The following PLXDC2 variants were observed in gnomAD, a reference collection of about 807,000 sequenced individuals.
PLXDC2 encodes the protein plexin domain-containing protein 2.
Under a neutral mutation model 68.9 loss-of-function variants are expected in PLXDC2, and 40 were observed. The ratio of observed to expected loss-of-function variants is 0.58; its 90% CI spans 0.45 to 0.76. The LOEUF is 0.76. Ranked by LOEUF, PLXDC2 falls within the 30% of genes least tolerant of loss-of-function variation. The pLI is 0.00. For synonymous variants in PLXDC2, 243 were observed against 234.2 expected (o/e 1.04, Z -0.34); for missense variants, 644 against 661.9 (o/e 0.97, Z 0.30).
chr10:20,017,515 A>G (rs1835233146), intron 2 of PLXDC2, among the ~76,000 whole-genome samples: 1 of 152,198 alleles, frequency 6.6e-6, no homozygotes, highest in Non-Finnish European at 1.5e-5. Context: ...TAGTTCTCAC[A>G]TGAAGAAACC....
chr10:19,845,209 G>C (rs1399753014), intron 1 of PLXDC2, among the ~76,000 whole-genome samples: 4 of 152,132 alleles, frequency 2.6e-5, no homozygotes, highest in African/African-American at 9.7e-5. Flanking sequence ...CACCACGTGT[G>C]CCATAACACA....
chr10:19,969,009 A>G (rs1215474864), intron 1 of PLXDC2, among the ~76,000 whole-genome samples: 4 of 152,240 alleles, frequency 2.6e-5, no homozygotes, highest in African/African-American at 9.6e-5. Flanking sequence ...GACATTTTTA[A>G]TAGCTGAAGA....
At chr10:20,041,110 A>G (rs548900393) in intron 2 of PLXDC2, among the ~76,000 whole-genome samples, 2 of 152,282 alleles carry the variant, frequency 1.3e-5, no homozygotes, top group Admixed American at 6.5e-5. Flanking sequence ...CTCTCTTCCC[A>G]TAGATAACCA....
intron 9 of PLXDC2, among the ~76,000 whole-genome samples, chr10:20,190,991 C>T (rs1032023560): frequency 1.3e-5 from 2 of 151,824 alleles, no homozygotes; most frequent in Admixed American, 6.6e-5. Flanking sequence ...AGTTCTGAGT[C>T]GGAGATGCAA....
intron 1 of PLXDC2, among the ~76,000 whole-genome samples, chr10:19,979,016 G>A (rs1243439659): frequency 6.6e-6 from 1 of 152,140 alleles, no homozygotes; most frequent in Non-Finnish European, 1.5e-5. Flanking sequence ...TTGTGGAGCA[G>A]GAAACAAAAT....
Position 20,164,488 on chromosome 10 carries a change from G to GAAGTCTTTC in PLXDC2, c.805_806insAGTCTTTCA (p.Gln268_Ile269insLysSerPhe). 1 of 1,613,262 alleles carries GAAGTCTTTC rather than the reference G, an allele frequency of 6.2e-7. No individual in the cohort carries two copies. The highest frequency in any genetic ancestry group is 1.1e-5 in the South Asian group (1 of 91,080). On this transcript the variant is annotated inframe_insertion, in exon 7 of 14. Transcript: ENST00000377252. ...TCCAGATTCCTGTCTTGGTCACACAGATAAGTTCAACCAATCATCCAGTGA... is the reference window on the plus strand; with the variant it reads ...TCCAGATTCCTGTCTTGGTCACACAGAAGTCTTTCATAAGTTCAACCAATCATCCAGTGA...
At chr10:20,195,714 G>A (rs1035032563) in intron 9 of PLXDC2, among the ~76,000 whole-genome samples, 2 of 152,128 alleles carry the variant, frequency 1.3e-5, no homozygotes, top group South Asian at 4.2e-4. Context: ...TGAGGCAATT[G>A]CCTCATCTAA....
At chr10:20,193,548 G>C (rs985300314) in intron 9 of PLXDC2, among the ~76,000 whole-genome samples, 2 of 151,988 alleles carry the variant, frequency 1.3e-5, no homozygotes, top group African/African-American at 4.8e-5. Context: ...GTTATAAATG[G>C]AAGGAGAGAG....
chr10:20,142,783 G>A (rs546832199), intron 4 of PLXDC2, among the ~76,000 whole-genome samples: 31 of 151,378 alleles, frequency 2.0e-4, no homozygotes, highest in African/African-American at 7.5e-4. Context: ...TGGGTGTTTA[G>A]CCCCCTTTCA....
At chr10:20,139,840 AC>A (rs1833978068) in intron 4 of PLXDC2, among the ~76,000 whole-genome samples, 1 of 118,352 alleles carries the variant, frequency 8.4e-6, no homozygotes, top group South Asian at 3.1e-4. Context: ...AACATCACAC[AC>A]GGGGGCCGGT....
intron 1 of PLXDC2, among the ~76,000 whole-genome samples, chr10:19,924,536 G>A (rs370628064): frequency 6.6e-6 from 1 of 152,144 alleles, no homozygotes; most frequent in African/African-American, 2.4e-5. Context: ...ATGTCCTTAT[G>A]TATTCACAGA....
chr10:19,829,521 C>T (rs775893973), intron 1 of PLXDC2, among the ~76,000 whole-genome samples: 5 of 152,098 alleles, frequency 3.3e-5, no homozygotes, highest in African/African-American at 7.2e-5. Flanking sequence ...AGGCCAGGCA[C>T]GGGGGCTCAT....
chr10:20,189,879 C>T (rs957674112), intron 9 of PLXDC2, among the ~76,000 whole-genome samples: 3 of 151,538 alleles, frequency 2.0e-5, no homozygotes, highest in East Asian at 1.9e-4. Flanking sequence ...TAATGAGGGA[C>T]GTGGATAAAG....
At chr10:19,972,255 C>T (rs185267150) in intron 1 of PLXDC2, among the ~76,000 whole-genome samples, 101 of 152,196 alleles carry the variant, frequency 6.6e-4, no homozygotes, top group African/African-American at 2.2e-3. Flanking sequence ...TGTGGAATTC[C>T]GTGTAGCCAT....
chr10:20,002,026 T>C (rs2131637854), intron 2 of PLXDC2, 40 bp downstream of exon 2: 1 of 1,571,988 alleles, frequency 6.4e-7, no homozygotes, highest in South Asian at 1.1e-5. Flanking sequence ...GATTAATGAA[T>C]TTATTTCATG....
chr10:20,031,041 T>G (rs1008994798), intron 2 of PLXDC2, among the ~76,000 whole-genome samples: 7 of 152,152 alleles, frequency 4.6e-5, no homozygotes, highest in African/African-American at 1.7e-4. Flanking sequence ...ACCAACTGAT[T>G]GCAGGCCAGC....
intron 9 of PLXDC2, among the ~76,000 whole-genome samples, chr10:20,180,805 C>T (rs1834593349): frequency 6.6e-6 from 1 of 152,042 alleles, no homozygotes; most frequent in Admixed American, 6.6e-5. Context: ...GATCCATGAT[C>T]TCAAGTGCTT....
At chr10:19,987,858 G>T (rs1482387974) in intron 1 of PLXDC2, among the ~76,000 whole-genome samples, 1 of 152,070 alleles carries the variant, frequency 6.6e-6, no homozygotes, top group African/African-American at 2.4e-5. Context: ...GTGAGCTACC[G>T]CGCCCAGCCG....
At chr10:20,090,221 C>T (rs1331186486) in intron 4 of PLXDC2, among the ~76,000 whole-genome samples, 1 of 152,156 alleles carries the variant, frequency 6.6e-6, no homozygotes, top group Admixed American at 6.6e-5. Flanking sequence ...GAAAAATGCC[C>T]ATGTGTATTT....
Sources: gnomAD v4.1 joint callset for allele counts (sites outside exome capture counted in the v4.1 genomes callset) on GRCh38, gnomAD v4.1.1 for gene constraint, MANE v1.5 for transcripts, NCBI Gene and HGNC (gene_info 2026-07-23, HGNC 2026-07-21) for gene names.